Variants in APEH observed in about 807,000 individuals in gnomAD.
APEH encodes the protein acylaminoacyl-peptide hydrolase.
Under a neutral mutation model 102.7 loss-of-function variants are expected in APEH, and 75 were observed. That is an observed-to-expected ratio of 0.73 (90% CI 0.61 to 0.89). The LOEUF (loss-of-function observed/expected upper bound fraction) is 0.89. Among genes scored for constraint, APEH ranks in the 40% least tolerant of loss-of-function variants. The pLI, the probability that APEH is intolerant of heterozygous loss-of-function variation, is 0.00. For missense variants in APEH, 863 were observed against 941.2 expected, an observed-to-expected ratio of 0.92 and a Z score of 1.09; for synonymous variants, 344 against 362.7, an observed-to-expected ratio of 0.95 and a Z score of 0.59.
chr3:49,675,456 C>A, intron 3 of APEH, 147 bp downstream of exon 3: 2 of 1,204,884 alleles, frequency 1.7e-6, no homozygotes, highest in Non-Finnish European at 2.3e-6. Context: ...GTGACATGGC[C>A]TGATAAGCAC....
At chr3:49,678,006 C>T (rs2053146848) in intron 11 of APEH, among the ~76,000 whole-genome samples, 2 of 152,262 alleles carry the variant, frequency 1.3e-5, no homozygotes, top group Admixed American at 1.3e-4. Context: ...GTTGGAATGT[C>T]ACACTCGAGA....
In APEH at chr3:49,683,245, T is replaced by G; in HGVS notation, c.2102T>G (p.Leu701Arg). The stretch of plus-strand genomic sequence containing the variant: ...CTGACTAATCCCTACAGGCTCCTGC[T>G]CTATCCCAAAAGCACCCACGCATTA... ...KTRNVPVRLL[L>R]YPKSTHALSE... Residue 701 changes from leucine to arginine, a missense_variant, in exon 22 of 22, where the codon CTC becomes CGC. Leu to Arg is a moderately radical substitution (Grantham distance 102). Transcript: ENST00000296456. The G allele has an allele frequency of 6.2e-7, 1 of 1,613,836 alleles. No homozygotes were observed. The highest frequency in any genetic ancestry group is 8.5e-7 in the Non-Finnish European group (1 of 1,179,772).
At chr3:49,675,426 G>C in intron 3 of APEH, 117 bp downstream of exon 3, 1 of 1,429,832 alleles carries the variant, frequency 7.0e-7, no homozygotes, top group South Asian at 1.3e-5. Flanking sequence ...TTGCCCCCTT[G>C]GGAGCTCATT....
chr3:49,676,536 T>TC (rs757010416), intron 7 of APEH, 21 bp downstream of exon 7: 31 of 1,614,072 alleles, frequency 1.9e-5, no homozygotes, highest in Admixed American at 1.5e-4. Context: ...ACAGCCTGTG[T>TC]CCCCCCTGGA....
chr3:49,680,610 C>T lies in APEH; in HGVS notation c.1280C>T (p.Pro427Leu). Residue 427 changes from proline to leucine, a missense_variant, in exon 14 of 22, where the codon CCC (proline) becomes CTC (leucine). Coordinates refer to ENST00000296456, the MANE Select transcript of APEH (RefSeq NM_001640.4). Reference sequence around the variant, plus strand: ...CTCATGGTGGCACAGTTTTCCACACCCAGCCTACCTCCAACCCTGGTGAGT... The same window carrying T: ...CTCATGGTGGCACAGTTTTCCACACTCAGCCTACCTCCAACCCTGGTGAGT... ...QDLMVAQFST[P>L]SLPPTLKVGF... The T allele has an allele frequency of 6.2e-7, 1 of 1,614,002 alleles. No individual in the cohort carries two copies. Among genetic ancestry groups the T allele is most frequent in the Non-Finnish European group, 8.5e-7 (1 of 1,179,988 alleles).
intron 4 of APEH, 28 bp downstream of exon 4, chr3:49,675,815 G>A (rs1026246355): frequency 1.2e-6 from 2 of 1,612,908 alleles, no homozygotes; most frequent in Non-Finnish European, 1.7e-6. Flanking sequence ...CAGGTAGTGG[G>A]TGACAAGAGA....
At position 49,676,805 on chromosome 3, in the gene APEH, G is replaced by C. The variant is rs147272980; in HGVS notation, c.865G>C (p.Gly289Arg). The C allele has an allele frequency of 2.8e-4, 454 of 1,613,716 alleles. No individual in the cohort carries two copies. The highest frequency in any genetic ancestry group is 3.7e-4 in the Non-Finnish European group (431 of 1,179,728). ...RSALYYVDLI[G>R]GKCELLSDDS... ...AGCCCTGTATTATGTGGACCTCATC[G>C]GGGGGAAGTGTGGTAAGTGGCTGAT... Residue 289 changes from glycine (G) to arginine (R), a missense_variant, in exon 9 of 22, where the codon GGG (glycine) becomes CGG (arginine). By Grantham distance (125) the Gly-to-Arg change is moderately radical. Coordinates refer to ENST00000296456, the MANE Select transcript of APEH (RefSeq NM_001640.4).
In APEH at chr3:49,679,070, A is replaced by T; in HGVS notation, c.1158+121A>T. The T allele has an allele frequency of 1.3e-6, 1 of 769,954 alleles. No homozygotes were observed. Among genetic ancestry groups the T allele is most frequent in the South Asian group, 1.7e-5 (1 of 58,884 alleles). 47.7% of individuals were successfully genotyped at this position (769,954 alleles called of 1,614,324 possible). ...CCACAAAGTCTCATCAGCCCCTTAA[A>T]ACCCTGCCTGCCCATCCTGGACTCA... On this transcript the variant is annotated intron_variant, in intron 12 of 21. Transcript: ENST00000296456. The surrounding 1 kb of genome is among the most constrained non-coding windows in gnomAD (Gnocchi z 4.3).
chr3:49,674,350 C>G (rs2052910579), upstream of APEH: 3 of 1,536,774 alleles, frequency 2.0e-6, no homozygotes, highest in African/African-American at 2.7e-5. Flanking sequence ...CCGGAAGCCT[C>G]ACTTCCGGGC....
In APEH at chr3:49,678,947, C is replaced by T; in HGVS notation, c.1156C>T (p.Gln386Ter). ...CTTTGACTCGGCTCAGCGCAGCCGGCAGGTGAGGGACGCTGATTGTGTTGA... is the reference window on the plus strand; with the variant it reads ...CTTTGACTCGGCTCAGCGCAGCCGGTAGGTGAGGGACGCTGATTGTGTTGA... ...VVFDSAQRSRQDLFAVDTQVG... is the reference protein window; with the variant it reads ...VVFDSAQRSR Residue 386 changes from glutamine (Q) to a stop codon, truncating the protein, a stop_gained and splice_region_variant, in exon 12 of 22, where the codon CAG becomes TAG. Transcript: ENST00000296456. LOFTEE classifies it high-confidence loss of function. The T allele has an allele frequency of 6.2e-7, 1 of 1,612,808 alleles. No homozygotes were observed. Among genetic ancestry groups the T allele is most frequent in the Middle Eastern group, 1.7e-4 (1 of 6,060 alleles).
chr3:49,677,842 G>T (rs775865600), intron 11 of APEH, among the ~76,000 whole-genome samples: 1 of 152,192 alleles, frequency 6.6e-6, no homozygotes, highest in Non-Finnish European at 1.5e-5. Flanking sequence ...TCAATAGCAA[G>T]GAGTGGTAGG....
rs1475541351 is a variant in APEH at position 49,679,116 on chromosome 3, C to G, written c.1158+167C>G. On this transcript the variant is annotated intron_variant, in intron 12 of 21. Transcript: ENST00000296456. The surrounding 1 kb of genome is among the most constrained non-coding windows in gnomAD (Gnocchi z 4.3). ...ACTCATTTCTCCTGGAGGGGACTGG[C>G]TGCCCTGGTGCACCACAGCAGAACT... Among the ~76,000 whole-genome samples the G allele has an allele frequency of 6.6e-6, 1 of 152,158 alleles. No individual in the cohort carries two copies. Among genetic ancestry groups the G allele is most frequent in the Admixed American group, 6.5e-5 (1 of 15,282 alleles).
chr3:49,674,543 C>A lies in APEH; in HGVS notation c.67C>A (p.Gln23Lys). 6.4e-7 allele frequency: 1 copy of A among 1,565,672 alleles called. No homozygotes were observed. The highest frequency in any genetic ancestry group is 1.2e-5 in the South Asian group (1 of 86,676). ...AAALYRGLSRQPALSAACLGP... is the reference protein window; with the variant it reads ...AAALYRGLSRKPALSAACLGP... ...GGCTCTGTATCGGGGCCTTAGCCGC[C>A]AGCCCGCGCTGAGCGCCGCCTGCCT... is the stretch of plus-strand genomic sequence containing the variant. Residue 23 changes from glutamine (Q) to lysine (K), a missense_variant, in exon 2 of 22, where the codon CAG becomes AAG. Physicochemically the swap from Gln to Lys is moderately conservative, Grantham distance 53. Transcript: ENST00000296456.
At chr3:49,677,408 C>T (rs1404227748) in intron 10 of APEH, among the ~76,000 whole-genome samples, 165 bp from the exon 11 acceptor site, 1 of 152,110 alleles carries the variant, frequency 6.6e-6, no homozygotes, top group African/African-American at 2.4e-5. Flanking sequence ...TATCTGAGGC[C>T]CCTTGGGCAT....
At chr3:49,681,001 G>A (rs892036342) in intron 14 of APEH, 100 bp from the exon 15 acceptor site, 32 of 1,430,338 alleles carry the variant, frequency 2.2e-5, no homozygotes, top group Non-Finnish European at 2.8e-5. Flanking sequence ...GGTGGGTAGA[G>A]GGCCCAGCAT....
chr3:49,674,106 C>A, upstream of APEH: 1 of 483,328 alleles, frequency 2.1e-6, no homozygotes, highest in Non-Finnish European at 3.6e-6. Flanking sequence ...ACGCCTCGCC[C>A]CTCGGTAAGA....
chr3:49,676,027 C>A (rs542596273), intron 5 of APEH, 29 bp from the exon 6 acceptor site: 13 of 1,614,026 alleles, frequency 8.1e-6, no homozygotes, highest in East Asian at 2.2e-5. Context: ...AGCCCTGGGC[C>A]CCCCCTGATT....
rs770526924 is a variant in APEH, at chr3:49,674,373, C to T, written c.-29C>T. On this transcript the variant is annotated 5_prime_UTR_variant, in exon 1 of 22. Transcript: ENST00000296456. ...CTCACTTCCGGGCGCGAGCACGCCC[C>T]GCCTCGCCCCGGCGGCAGAGAGGAG... 2.0e-5 allele frequency: 31 copies of T among 1,559,438 alleles called. No individual in the cohort carries two copies. The highest frequency in any genetic ancestry group is 2.6e-5 in the Non-Finnish European group (30 of 1,159,574).
In APEH at chr3:49,676,685, T is replaced by G; in HGVS notation, c.821T>G (p.Phe274Cys). The change falls in exon 8 of 22, where the codon TTT becomes TGT. Residue 274 changes from phenylalanine (F) to cysteine (C), a missense_variant. Transcript: ENST00000296456. ...GAGCCCTTCCGGTTGGGCATCCGCT[T>G]TTGCACCAATCGCAGGTGAGGGAGT... ...WHEPFRLGIR[F>C]CTNRRSALYY... 6.2e-7 allele frequency: 1 copy of G among 1,614,226 alleles called. No individual in the cohort carries two copies. Among genetic ancestry groups the G allele is most frequent in the Non-Finnish European group, 8.5e-7 (1 of 1,180,042 alleles).
Sources: allele counts gnomAD v4.1 joint callset (sites outside exome capture counted in the v4.1 genomes callset), GRCh38; gene constraint gnomAD v4.1.1; non-coding constraint Gnocchi (gnomAD v3.1); transcripts MANE v1.5; gene names NCBI Gene and HGNC (gene_info 2026-07-23, HGNC 2026-07-21).